Variants in RANBP2 observed in about 807,000 individuals in gnomAD.
RANBP2 encodes E3 SUMO-protein ligase RanBP2.
Under a neutral mutation model 303.6 loss-of-function variants are expected in RANBP2, and 57 were observed. That is an observed-to-expected ratio of 0.19 (90% CI 0.15 to 0.23). RANBP2 has a LOEUF of 0.23. RANBP2 is among the 10% of genes least tolerant of loss of function. RANBP2 has a pLI of 1.00. For missense variants in RANBP2, 3,138 were observed against 3,780.8 expected (o/e 0.83, Z 4.46); for synonymous variants, 1,167 against 1,301.5 (o/e 0.90, Z 2.23).
At chr2:109,555,327 T>C in the RANBP2 span, among the ~76,000 whole-genome samples, 2 of 152,176 alleles carry the variant, frequency 1.3e-5, no homozygotes, top group Admixed American at 6.5e-5. Flanking sequence ...ACCAACCTGT[T>C]CATTGTTCCC....
chr2:109,165,582 A>G, the RANBP2 span, among the ~76,000 whole-genome samples: 1 of 152,118 alleles, frequency 6.6e-6, no homozygotes, highest in African/African-American at 2.4e-5. Context: ...CAAAACCCAG[A>G]ACATTTTGAC....
At chr2:108,724,677 T>G (rs893603226) in intron 1 of RANBP2, among the ~76,000 whole-genome samples, 2 of 152,128 alleles carry the variant, frequency 1.3e-5, no homozygotes, top group African/African-American at 4.8e-5. Flanking sequence ...AGCTGGAGTT[T>G]CTCTAATTTT....
At chr2:108,968,480 G>A in the RANBP2 span, among the ~76,000 whole-genome samples, 1 of 152,202 alleles carries the variant, frequency 6.6e-6, no homozygotes, top group Non-Finnish European at 1.5e-5. Flanking sequence ...CCAGGATGAG[G>A]TAACACAGAT....
chr2:109,303,132 T>G, the RANBP2 span, among the ~76,000 whole-genome samples: 4,273 of 152,256 alleles, frequency 0.028, 219 homozygotes, highest in African/African-American at 0.097. Context: ...CGCCTCAGCC[T>G]CACAAGGTGC....
chr2:109,715,103 G>T, the RANBP2 span, among the ~76,000 whole-genome samples: 1 of 151,920 alleles, frequency 6.6e-6, no homozygotes, highest in South Asian at 2.1e-4. Flanking sequence ...AGGTAGCTGG[G>T]ATTACAGGCA....
chr2:109,266,865 A>G, the RANBP2 span, among the ~76,000 whole-genome samples: 1 of 152,148 alleles, frequency 6.6e-6, no homozygotes, highest in Non-Finnish European at 1.5e-5. Flanking sequence ...GCTGGAGACC[A>G]CTGCTGCAGA....
the RANBP2 span, among the ~76,000 whole-genome samples, chr2:109,036,313 G>A: frequency 1.3e-5 from 2 of 152,140 alleles, no homozygotes; most frequent in Non-Finnish European, 2.9e-5. Context: ...GAAAGTAAAA[G>A]AAAGAACGTT....
At chr2:108,737,281 GT>G (rs1695665059) in intron 6 of RANBP2, among the ~76,000 whole-genome samples, 1 of 148,248 alleles carries the variant, frequency 6.7e-6, no homozygotes, top group Non-Finnish European at 1.5e-5. Context: ...TTACATTTTT[GT>G]TAAGGACATC....
chr2:108,845,323 C>A, the RANBP2 span, among the ~76,000 whole-genome samples: 1 of 152,016 alleles, frequency 6.6e-6, no homozygotes, highest in Non-Finnish European at 1.5e-5. Flanking sequence ...ACCTGTAAAA[C>A]CTCAATAGAT....
the RANBP2 span, chr2:108,906,463 G>A: frequency 3.1e-6 from 4 of 1,297,460 alleles, no homozygotes; most frequent in Non-Finnish European, 4.4e-6. Context: ...CAGCAGCTAC[G>A]CCCAACACCA....
the RANBP2 span, among the ~76,000 whole-genome samples, chr2:109,182,044 A>G: frequency 6.6e-6 from 1 of 152,224 alleles, no homozygotes; most frequent in South Asian, 2.1e-4. Context: ...TGTGATAAAC[A>G]TATGTATGCC....
the RANBP2 span, among the ~76,000 whole-genome samples, chr2:108,887,160 C>T: frequency 4.0e-5 from 6 of 151,600 alleles, no homozygotes; most frequent in African/African-American, 9.7e-5. Flanking sequence ...GTGTTTAGTT[C>T]TTTTTGGCTT....
the RANBP2 span, among the ~76,000 whole-genome samples, chr2:109,448,630 G>T: frequency 6.6e-6 from 1 of 152,200 alleles, no homozygotes; most frequent in African/African-American, 2.4e-5. Flanking sequence ...GGCCTGTCTA[G>T]TTGCAGGAAA....
At chr2:108,987,487 GT>G in the RANBP2 span, among the ~76,000 whole-genome samples, 1 of 152,256 alleles carries the variant, frequency 6.6e-6, no homozygotes, top group Non-Finnish European at 1.5e-5. Context: ...TGACATGTCT[GT>G]GCTTCACAAA....
chr2:108,759,951 C>A (rs1676609808), intron 18 of RANBP2, among the ~76,000 whole-genome samples: 1 of 152,180 alleles, frequency 6.6e-6, no homozygotes, highest in African/African-American at 2.4e-5. Flanking sequence ...GTAGAAGCAG[C>A]ACATCCTCAT....
In RANBP2 at chr2:108,784,032, A is replaced by C; in HGVS notation, c.*131A>C. The C allele has an allele frequency of 2.3e-6, 2 of 870,764 alleles. No homozygotes were observed. The highest frequency in any genetic ancestry group is 3.5e-6 in the Non-Finnish European group (2 of 573,604). 53.9% of individuals were successfully genotyped at this position (870,764 alleles called of 1,614,324 possible). On this transcript the variant is annotated 3_prime_UTR_variant, in exon 29 of 29. Coordinates refer to ENST00000283195, the MANE Select transcript of RANBP2 (RefSeq NM_006267.5). ...ATTTACAAATGTAAAATTGCAGCTT[A>C]TAGCTGTTGTCACTTTTTAATGTGT...
At chr2:109,420,740 C>T in the RANBP2 span, among the ~76,000 whole-genome samples, 15 of 152,218 alleles carry the variant, frequency 9.9e-5, no homozygotes, top group Middle Eastern at 0.014. Flanking sequence ...CCACCGCGCC[C>T]GGCCAAACAG....
At chr2:109,224,739 C>T in the RANBP2 span, among the ~76,000 whole-genome samples, 2 of 152,148 alleles carry the variant, frequency 1.3e-5, no homozygotes, top group East Asian at 1.9e-4. Context: ...CACCTGTAAT[C>T]CCAGCTACTT....
chr2:109,576,958 G>A, the RANBP2 span, among the ~76,000 whole-genome samples: 2 of 152,140 alleles, frequency 1.3e-5, no homozygotes, highest in Non-Finnish European at 2.9e-5. Flanking sequence ...AGAACTGACG[G>A]ACACACTATT....
Sources: gnomAD v4.1 joint callset for allele counts (sites outside exome capture counted in the v4.1 genomes callset) on GRCh38, gnomAD v4.1.1 for gene constraint, MANE v1.5 for transcripts, NCBI Gene and HGNC (gene_info 2026-07-23, HGNC 2026-07-21) for gene names.